The following PDZRN4 variants were observed in gnomAD, a reference collection of about 807,000 sequenced individuals.
PDZRN4 encodes PDZ domain-containing RING finger protein 4.
PDZRN4 carries 70 observed loss-of-function variants against 99.0 expected under a neutral mutation model. The ratio of observed to expected loss-of-function variants is 0.71; its 90% confidence interval spans 0.58 to 0.86. PDZRN4 has a LOEUF of 0.86. Among genes scored for constraint, PDZRN4 ranks in the 40% least tolerant of loss-of-function variants. The pLI is 0.00. For missense variants in PDZRN4, 1,474 were observed against 1,331.2 expected, an observed-to-expected ratio of 1.11 and a Z score of -1.67; for synonymous variants, 551 against 501.6, an observed-to-expected ratio of 1.10 and a Z score of -1.32.
chr12:41,368,828 G>A (rs1952020374), intron 3 of PDZRN4, among the ~76,000 whole-genome samples: 1 of 152,072 alleles, frequency 6.6e-6, no homozygotes, highest in South Asian at 2.1e-4. Context: ...GGAGCCAAGG[G>A]GATGGTGGTC....
chr12:41,213,539 G>A (rs1950901115), intron 3 of PDZRN4, among the ~76,000 whole-genome samples: 1 of 152,010 alleles, frequency 6.6e-6, no homozygotes, highest in African/African-American at 2.4e-5. Flanking sequence ...GTCTGGTTGG[G>A]CCAGTAAAGC....
At chr12:41,489,651 A>C (rs542871137) in intron 3 of PDZRN4, among the ~76,000 whole-genome samples, 1 of 149,302 alleles carries the variant, frequency 6.7e-6, no homozygotes, top group East Asian at 2.0e-4. Context: ...CATAAAGCTT[A>C]AATATTTTAC....
chr12:41,282,652 C>T (rs1259437297), intron 3 of PDZRN4, among the ~76,000 whole-genome samples: 6 of 152,086 alleles, frequency 3.9e-5, no homozygotes, highest in African/African-American at 7.2e-5. Context: ...TGCAAAAGAA[C>T]GGAAATCAAA....
intron 3 of PDZRN4, among the ~76,000 whole-genome samples, chr12:41,349,504 T>C (rs1402246629): frequency 6.6e-6 from 1 of 151,966 alleles, no homozygotes; most frequent in African/African-American, 2.4e-5. Flanking sequence ...CATTATAAAA[T>C]AGGTTATTGA....
chr12:41,312,284 T>C (rs770954001), intron 3 of PDZRN4, among the ~76,000 whole-genome samples: 1 of 151,860 alleles, frequency 6.6e-6, no homozygotes, highest in Non-Finnish European at 1.5e-5. Context: ...AAAACACACA[T>C]ACACATTTTG....
intron 3 of PDZRN4, among the ~76,000 whole-genome samples, chr12:41,385,582 A>G (rs551018108): frequency 7.2e-5 from 11 of 152,334 alleles, no homozygotes; most frequent in African/African-American, 2.6e-4. Context: ...ATAAATTAGT[A>G]AATTCCTGGG....
chr12:41,196,073 T>C (rs545390789), intron 3 of PDZRN4, among the ~76,000 whole-genome samples: 1 of 152,254 alleles, frequency 6.6e-6, no homozygotes, highest in Admixed American at 6.5e-5. Flanking sequence ...TTTTATATTG[T>C]CATACAACAA....
chr12:41,245,588 T>C (rs1033825902), intron 3 of PDZRN4, among the ~76,000 whole-genome samples: 19 of 152,040 alleles, frequency 1.2e-4, no homozygotes, highest in African/African-American at 4.1e-4. Flanking sequence ...TTTCTGTACA[T>C]GAAAAATATG....
Position 41,368,853 on chromosome 12 carries a change from A to G in PDZRN4, c.844-137603A>G, listed in dbSNP as rs149216129. On this transcript the variant is annotated intron_variant, in intron 3 of 9. Coordinates refer to ENST00000402685, the MANE Select transcript of PDZRN4 (RefSeq NM_001164595.2). ...GGATGGTGGTCAGTGGCTGCTCTCA[A>G]TGAAAATGTAAAGCTCTGGCTGCAC... 1.6e-3 allele frequency among the ~76,000 whole-genome samples: 241 copies of G among 152,192 alleles called. 1 individual carries two copies. The highest frequency in any genetic ancestry group is 6.8e-3 in the Middle Eastern group (2 of 294).
intron 3 of PDZRN4, among the ~76,000 whole-genome samples, chr12:41,451,421 A>G (rs1952773189): frequency 6.6e-6 from 1 of 152,202 alleles, no homozygotes; most frequent in Non-Finnish European, 1.5e-5. Context: ...TTTGGATACT[A>G]TTACAAAAAG....
At chr12:41,239,929 C>A (rs1434994872) in intron 3 of PDZRN4, among the ~76,000 whole-genome samples, 1 of 152,128 alleles carries the variant, frequency 6.6e-6, no homozygotes. Flanking sequence ...GTATTTTAAA[C>A]CCTGATATAT....
chr12:41,259,643 A>G (rs1951224568), intron 3 of PDZRN4, among the ~76,000 whole-genome samples: 1 of 152,170 alleles, frequency 6.6e-6, no homozygotes, highest in African/African-American at 2.4e-5. Flanking sequence ...GACACAAGAG[A>G]AACAAGTCTG....
At chr12:41,316,229 C>G (rs1314967624) in intron 3 of PDZRN4, among the ~76,000 whole-genome samples, 1 of 151,944 alleles carries the variant, frequency 6.6e-6, no homozygotes, top group Non-Finnish European at 1.5e-5. Context: ...GTATTGACCC[C>G]TCTAGTTTAG....
intron 3 of PDZRN4, chr12:41,412,502 A>G (rs1758469035): frequency 6.6e-6 from 1 of 152,162 alleles, no homozygotes; most frequent in Non-Finnish European, 1.5e-5. Context: ...CTTTGGAAGG[A>G]GAGACGGGTG....
chr12:41,572,009 C>T (rs1939490385), intron 9 of PDZRN4, among the ~76,000 whole-genome samples: 1 of 152,184 alleles, frequency 6.6e-6, no homozygotes, highest in Admixed American at 6.5e-5. Flanking sequence ...TATTCTTTTG[C>T]ATATTATCAC....
chr12:41,296,785 C>A (rs1951497498), intron 3 of PDZRN4, among the ~76,000 whole-genome samples: 2 of 152,134 alleles, frequency 1.3e-5, no homozygotes, highest in South Asian at 4.1e-4. Context: ...CATGGCAAGA[C>A]CTTATCTCTA....
chr12:41,555,209 C>T (rs1312666118), intron 6 of PDZRN4, among the ~76,000 whole-genome samples: 7 of 122,210 alleles, frequency 5.7e-5, no homozygotes, highest in Non-Finnish European at 7.9e-5. Flanking sequence ...CCAGCCTGAG[C>T]GACAGAGCCA....
At chr12:41,215,833 A>G (rs1940284260) in intron 3 of PDZRN4, among the ~76,000 whole-genome samples, 5 of 142,532 alleles carry the variant, frequency 3.5e-5, no homozygotes, top group African/African-American at 1.3e-4. Context: ...AGCCTCATAA[A>G]CACGCTAAGC....
intron 3 of PDZRN4, among the ~76,000 whole-genome samples, chr12:41,279,037 G>A (rs1220628669): frequency 1.3e-5 from 2 of 152,168 alleles, no homozygotes; most frequent in African/African-American, 4.8e-5. Flanking sequence ...AAGGCAGGGT[G>A]ACATAAAAAT....
Sources: allele counts gnomAD v4.1 joint callset (sites outside exome capture counted in the v4.1 genomes callset), GRCh38; gene constraint gnomAD v4.1.1; transcripts MANE v1.5; gene names NCBI Gene and HGNC (gene_info 2026-07-23, HGNC 2026-07-21).